CTNNA3: variants seen among roughly 807,000 people sequenced by gnomAD.
The protein encoded by CTNNA3 is catenin alpha 3, also known as catenin alpha-3.
Under a neutral mutation model 95.7 loss-of-function variants are expected in CTNNA3, and 76 were observed. That is an observed-to-expected ratio of 0.79 (90% CI 0.66 to 0.96). CTNNA3 has a LOEUF of 0.96. Among genes scored for constraint, CTNNA3 ranks in the 40% least tolerant of loss-of-function variants. The pLI is 0.00. For synonymous variants in CTNNA3, 431 were observed against 374.4 expected (o/e 1.15, Z -1.74); for missense variants, 1,191 against 1,089.8 (o/e 1.09, Z -1.31).
At chr10:65,981,375 A>G (rs1163369787) in intron 16 of CTNNA3, among the ~76,000 whole-genome samples, 1 of 152,120 alleles carries the variant, frequency 6.6e-6, no homozygotes, top group Non-Finnish European at 1.5e-5. Context: ...AAACACTCCC[A>G]TGTTCATGGA....
At chr10:67,137,570 C>A (rs1860359339) in intron 7 of CTNNA3, among the ~76,000 whole-genome samples, 1 of 152,086 alleles carries the variant, frequency 6.6e-6, no homozygotes, top group African/African-American at 2.4e-5. Flanking sequence ...GCACAAAACC[C>A]ATTTGACCCT....
intron 12 of CTNNA3, among the ~76,000 whole-genome samples, chr10:66,312,652 T>A (rs944374704): frequency 4.6e-5 from 7 of 151,962 alleles, no homozygotes; most frequent in African/African-American, 1.7e-4. Context: ...GTTCAAGAGA[T>A]TCCCCTGCCT....
At chr10:67,558,371 C>T (rs1841334180) in intron 3 of CTNNA3, among the ~76,000 whole-genome samples, 1 of 152,140 alleles carries the variant, frequency 6.6e-6, no homozygotes, top group African/African-American at 2.4e-5. Context: ...ACCCCTTTTT[C>T]TCTCAGTTCT....
At chr10:66,240,359 A>G (rs1223424581) in intron 13 of CTNNA3, among the ~76,000 whole-genome samples, 2 of 152,206 alleles carry the variant, frequency 1.3e-5, no homozygotes, top group East Asian at 3.9e-4. Flanking sequence ...TTCTGTTTAT[A>G]AAACACAGTT....
At chr10:65,978,867 T>C (rs1342792088) in intron 16 of CTNNA3, among the ~76,000 whole-genome samples, 3 of 152,182 alleles carry the variant, frequency 2.0e-5, no homozygotes, top group Non-Finnish European at 4.4e-5. Context: ...CTATGACAGC[T>C]GCTGTTTAGC....
chr10:67,471,074 C>T (rs1318043310), intron 5 of CTNNA3, among the ~76,000 whole-genome samples: 1 of 152,152 alleles, frequency 6.6e-6, no homozygotes, highest in Admixed American at 6.5e-5. Context: ...GCCTCAGCCT[C>T]CCAAAGCACG....
intron 9 of CTNNA3, among the ~76,000 whole-genome samples, chr10:66,726,830 A>G (rs1848797270): frequency 6.6e-6 from 1 of 152,132 alleles, no homozygotes; most frequent in Non-Finnish European, 1.5e-5. Flanking sequence ...AGTAAAGACA[A>G]TTCTTCTTAT....
chr10:67,105,235 T>TGTTAGATAGATAGATAGATA (rs1858564978), intron 7 of CTNNA3, among the ~76,000 whole-genome samples: 1 of 150,518 alleles, frequency 6.6e-6, no homozygotes, highest in African/African-American at 2.5e-5. Context: ...ACATATTAAA[T>TGTTAGATAGATAGATAGATA]GATAGATAGA....
chr10:66,640,660 T>G (rs17274526), intron 9 of CTNNA3, among the ~76,000 whole-genome samples: 1 of 152,062 alleles, frequency 6.6e-6, no homozygotes, highest in Non-Finnish European at 1.5e-5. Flanking sequence ...AACAGAATAC[T>G]CATTTTTTCG....
chr10:65,986,080 T>C (rs905473329), intron 16 of CTNNA3, among the ~76,000 whole-genome samples: 2 of 151,506 alleles, frequency 1.3e-5, no homozygotes, highest in Admixed American at 1.3e-4. Flanking sequence ...AAAAGTGTAA[T>C]AAAACATTGC....
At chr10:67,416,645 G>A (rs192730198) in intron 5 of CTNNA3, among the ~76,000 whole-genome samples, 115 of 148,690 alleles carry the variant, frequency 7.7e-4, no homozygotes, top group Admixed American at 1.4e-3. Context: ...GTGGACAAAG[G>A]ACATGAACAG....
intron 6 of CTNNA3, among the ~76,000 whole-genome samples, chr10:67,206,264 G>A (rs1269182961): frequency 2.0e-5 from 3 of 152,114 alleles, no homozygotes; most frequent in Admixed American, 2.0e-4. Context: ...AATGGGTTGT[G>A]TCTCCTAAGC....
chr10:66,968,223 A>T (rs936905233), intron 7 of CTNNA3, among the ~76,000 whole-genome samples: 2 of 151,998 alleles, frequency 1.3e-5, no homozygotes, highest in African/African-American at 4.8e-5. Flanking sequence ...CTGGCTGTGG[A>T]TTTTGGTATA....
chr10:66,681,200 A>G (rs1473433281), intron 9 of CTNNA3, among the ~76,000 whole-genome samples: 1 of 152,152 alleles, frequency 6.6e-6, no homozygotes, highest in Non-Finnish European at 1.5e-5. Flanking sequence ...TTTGTTCATT[A>G]TGTAAGAGAG....
intron 12 of CTNNA3, among the ~76,000 whole-genome samples, chr10:66,326,399 T>C (rs2092254678): frequency 6.6e-6 from 1 of 152,030 alleles, no homozygotes; most frequent in South Asian, 2.1e-4. Flanking sequence ...ACCTTACAAT[T>C]TGGCCTCCAT....
At chr10:67,524,622 C>T (rs1011162425) in intron 4 of CTNNA3, among the ~76,000 whole-genome samples, 2 of 151,964 alleles carry the variant, frequency 1.3e-5, no homozygotes, top group Admixed American at 6.6e-5. Flanking sequence ...ATAAAGAGTT[C>T]AAAATACTGT....
rs549239864 is a variant in CTNNA3 at position 66,693,729 on chromosome 10, A to G, written c.1282-71945T>C. 7.2e-5 allele frequency among the ~76,000 whole-genome samples: 11 copies of G among 152,280 alleles called. No homozygotes were observed. In the South Asian group the frequency reaches 2.3e-3, roughly 32 times the overall value. On this transcript the variant is annotated intron_variant, in intron 9 of 17. Coordinates refer to ENST00000433211, the MANE Select transcript of CTNNA3 (RefSeq NM_013266.4). ...GTTGGAAGTAAAGCTTTCCTCAGCA[A>G]ATATAAAAGAACATAAATTATAACA... is the stretch of plus-strand genomic sequence containing the variant.
chr10:67,087,730 G>A (rs534760269), intron 7 of CTNNA3, among the ~76,000 whole-genome samples: 3 of 151,914 alleles, frequency 2.0e-5, no homozygotes, highest in East Asian at 1.9e-4. Flanking sequence ...TACATAATTC[G>A]ATTTTAATAG....
At chr10:67,289,255 T>C (rs992681114) in intron 5 of CTNNA3, among the ~76,000 whole-genome samples, 1 of 152,038 alleles carries the variant, frequency 6.6e-6, no homozygotes, top group Non-Finnish European at 1.5e-5. Flanking sequence ...AGAAAACCAA[T>C]TAAAAACCTT....
Sources: allele counts gnomAD v4.1 joint callset (sites outside exome capture counted in the v4.1 genomes callset), GRCh38; gene constraint gnomAD v4.1.1; transcripts MANE v1.5; gene names NCBI Gene and HGNC (gene_info 2026-07-23, HGNC 2026-07-21).